Variants in HDAC9 observed in about 807,000 individuals in gnomAD.
HDAC9 encodes histone deacetylase 9.
HDAC9 carries 41 observed loss-of-function variants against 139.4 expected under a neutral mutation model. The observed-to-expected ratio is 0.29, with a 90% CI of 0.23 to 0.38. HDAC9 has a LOEUF of 0.38. HDAC9 is among the 10% of genes least tolerant of loss of function. The probability of loss-of-function intolerance (pLI) is 1.00; values close to 1 mark genes in which losing one functional copy is unlikely to be tolerated. For missense variants in HDAC9, 1,147 were observed against 1,297.0 expected, an observed-to-expected ratio of 0.88 and a Z score of 1.78; for synonymous variants, 517 against 476.2, an observed-to-expected ratio of 1.09 and a Z score of -1.12.
At chr7:18,358,404 G>T (rs184135667) in intron 1 of HDAC9, among the ~76,000 whole-genome samples, 171 of 152,280 alleles carry the variant, frequency 1.1e-3, no homozygotes, top group Non-Finnish European at 1.9e-3. Context: ...ATTAGGTGTG[G>T]CTATGTTGAG....
intron 2 of HDAC9, among the ~76,000 whole-genome samples, chr7:18,229,798 A>T (rs949866401): frequency 1.3e-5 from 2 of 152,204 alleles, no homozygotes. Context: ...GGAAAAAATC[A>T]TGGAAAGCAT....
chr7:18,640,357 TAAAAAAAAAAAAAA>T (rs56655676), intron 8 of HDAC9, among the ~76,000 whole-genome samples: 23 of 66,080 alleles, frequency 3.5e-4, no homozygotes, highest in Non-Finnish European at 5.7e-4. Context: ...GATCCTGTCT[TAAAAAAAAAAAAAA>T]AAAAAAAAAA....
intron 2 of HDAC9, among the ~76,000 whole-genome samples, chr7:18,261,539 G>T (rs993833189): frequency 9.8e-5 from 15 of 152,298 alleles, no homozygotes; most frequent in African/African-American, 1.4e-4. Flanking sequence ...GTTACTCTGT[G>T]AGAATAATGG....
At chr7:18,856,203 A>G (rs1797666007) in intron 21 of HDAC9, among the ~76,000 whole-genome samples, 1 of 152,124 alleles carries the variant, frequency 6.6e-6, no homozygotes, top group Admixed American at 6.6e-5. Context: ...CACAGCCCCT[A>G]AGAAATTATG....
At chr7:18,400,884 G>T (rs1787477912) in intron 1 of HDAC9, among the ~76,000 whole-genome samples, 1 of 152,118 alleles carries the variant, frequency 6.6e-6, no homozygotes, top group Non-Finnish European at 1.5e-5. Context: ...TTTCCTCTTA[G>T]GTTTTCTTTA....
chr7:18,114,682 A>G (rs992018535), intron 1 of HDAC9, among the ~76,000 whole-genome samples: 3 of 152,208 alleles, frequency 2.0e-5, no homozygotes, highest in African/African-American at 7.2e-5. Context: ...AAGGGAACCA[A>G]TATTAATGAC....
At chr7:18,811,490 G>T (rs143547532) in intron 17 of HDAC9, among the ~76,000 whole-genome samples, 1 of 151,574 alleles carries the variant, frequency 6.6e-6, no homozygotes. Context: ...TGACACGTGA[G>T]TTATTTTAAA....
chr7:18,308,467 C>T (rs949136099), intron 1 of HDAC9, among the ~76,000 whole-genome samples: 9 of 152,170 alleles, frequency 5.9e-5, no homozygotes, highest in African/African-American at 1.9e-4. Flanking sequence ...ATATACCATA[C>T]TCCCTTTCAA....
intron 6 of HDAC9, among the ~76,000 whole-genome samples, chr7:18,602,459 C>A (rs1192775604): frequency 7.3e-6 from 1 of 136,900 alleles, no homozygotes; most frequent in East Asian, 2.1e-4. Flanking sequence ...TCTTGAATTT[C>A]CCATTAATTT....
intron 13 of HDAC9, among the ~76,000 whole-genome samples, chr7:18,748,544 T>C (rs937479624): frequency 6.6e-6 from 1 of 152,150 alleles, no homozygotes; most frequent in Non-Finnish European, 1.5e-5. Flanking sequence ...ATTACAAAAA[T>C]GAAACCTTGA....
At chr7:18,723,964 T>C (rs1165757459) in intron 12 of HDAC9, among the ~76,000 whole-genome samples, 1 of 152,156 alleles carries the variant, frequency 6.6e-6, no homozygotes, top group African/African-American at 2.4e-5. Context: ...AAAGATGAGT[T>C]ATATCCAGTT....
chr7:18,121,135 G>A (rs1450971428), intron 1 of HDAC9, among the ~76,000 whole-genome samples: 1 of 152,190 alleles, frequency 6.6e-6, no homozygotes. Context: ...AATGTAAGAG[G>A]TAAGAAAAAG....
At chr7:18,276,300 G>A (rs1198217571) in intron 2 of HDAC9, among the ~76,000 whole-genome samples, 2 of 152,142 alleles carry the variant, frequency 1.3e-5, no homozygotes, top group African/African-American at 4.8e-5. Context: ...GCAAGAAAGA[G>A]CTTTCCCAAG....
chr7:18,294,356 C>A (rs776340498), intron 1 of HDAC9, among the ~76,000 whole-genome samples: 1 of 152,004 alleles, frequency 6.6e-6, no homozygotes, highest in Admixed American at 6.6e-5. Context: ...TAAAATGATA[C>A]TGAGCTGCTA....
intron 2 of HDAC9, among the ~76,000 whole-genome samples, chr7:18,498,639 G>T (rs1337483376): frequency 6.6e-6 from 1 of 152,052 alleles, no homozygotes; most frequent in Non-Finnish European, 1.5e-5. Context: ...AGGATGCCTG[G>T]CAGCAGTGCA....
chr7:18,861,859 C>G (rs990463237), intron 21 of HDAC9, among the ~76,000 whole-genome samples: 1 of 152,162 alleles, frequency 6.6e-6, no homozygotes, highest in Non-Finnish European at 1.5e-5. Context: ...TGAGTGTACA[C>G]ACACACGCAT....
rs60514746 is a variant in HDAC9 at position 18,390,047 on chromosome 7, AACACACAC to A, written c.-42+99573_-42+99580del. ...GTTGTGTTTGACCCTAGAGAAAGAC[AACACACAC>A]ACACACACACACACACACACACACA... On this transcript the variant is annotated intron_variant, in intron 1 of 3. Coordinates refer to the HDAC9 transcript ENST00000413509. 3.9e-3 allele frequency among the ~76,000 whole-genome samples: 510 copies of A among 130,486 alleles called. 2 individuals carry two copies. Among genetic ancestry groups the A allele is most frequent in the African/African-American group, 0.01 (359 of 35,734 alleles). The allele number at this position is 130,486 out of a possible 152,430, so 85.6% of individuals were successfully genotyped here.
rs947425358 is a variant in HDAC9 at position 18,989,230 on chromosome 7, C to T, written c.3171-6793C>T. Among the ~76,000 whole-genome samples, 336 of 148,822 alleles carry T rather than the reference C, an allele frequency of 2.3e-3. 8 individuals carry two copies. Among genetic ancestry groups the T allele is most frequent in the African/African-American group, 8.2e-3 (325 of 39,748 alleles). ...TTGTTCCTTTCCATGTTTAGCACTT[C>T]CTTCAGGAGCTCTTTTAGGGCAGGC... is the stretch of plus-strand genomic sequence containing the variant. On this transcript the variant is annotated intron_variant, in intron 25 of 25. Transcript: ENST00000686413.
At chr7:18,528,166 A>T (rs1006268069) in intron 2 of HDAC9, among the ~76,000 whole-genome samples, 3 of 152,010 alleles carry the variant, frequency 2.0e-5, no homozygotes, top group Non-Finnish European at 4.4e-5. Context: ...AAAGTAAAAA[A>T]GTAAGCCAGG....
Sources: gnomAD v4.1 joint callset for allele counts (sites outside exome capture counted in the v4.1 genomes callset) on GRCh38, gnomAD v4.1.1 for gene constraint, MANE v1.5 for transcripts, NCBI Gene and HGNC (gene_info 2026-07-23, HGNC 2026-07-21) for gene names.